Variants in TNC observed in about 807,000 individuals in gnomAD.
TNC encodes tenascin.
In TNC, 109 loss-of-function variants were observed where a neutral mutation model predicts 202.4. That is an observed-to-expected ratio of 0.54 (90% CI 0.46 to 0.63). The LOEUF (loss-of-function observed/expected upper bound fraction) is 0.63. Among genes scored for constraint, TNC ranks in the 30% least tolerant of loss-of-function variants. The pLI, the probability that TNC is intolerant of heterozygous loss-of-function variation, is 0.00. For synonymous variants in TNC, 1,007 were observed against 1,089.7 expected, an observed-to-expected ratio of 0.92 and a Z score of 1.50; for missense variants, 2,756 against 2,833.3, an observed-to-expected ratio of 0.97 and a Z score of 0.62.
At chr9:115,074,864 G>A (rs890732226) in intron 9 of TNC, among the ~76,000 whole-genome samples, 4 of 152,164 alleles carry the variant, frequency 2.6e-5, no homozygotes, top group Admixed American at 6.5e-5. Context: ...GACAGATTAC[G>A]CCAATGTCAA....
chr9:115,047,513 C>T (rs1174520536), intron 16 of TNC, among the ~76,000 whole-genome samples: 1 of 152,064 alleles, frequency 6.6e-6, no homozygotes, highest in African/African-American at 2.4e-5. Context: ...TGGATAAGTA[C>T]TTCTTGGAGA....
intron 1 of TNC, among the ~76,000 whole-genome samples, chr9:115,101,911 A>C (rs1039630947): frequency 6.6e-6 from 1 of 152,190 alleles, no homozygotes; most frequent in Non-Finnish European, 1.5e-5. Context: ...AAGTTGACAT[A>C]ATAATAATAA....
chr9:115,052,365 A>T (rs1831756592), intron 15 of TNC, among the ~76,000 whole-genome samples: 2 of 152,030 alleles, frequency 1.3e-5, no homozygotes, highest in African/African-American at 4.8e-5. Flanking sequence ...AGACAGAAGG[A>T]ATAAGTTTTA....
intron 17 of TNC, among the ~76,000 whole-genome samples, chr9:115,045,796 T>C (rs1203953108): frequency 1.3e-5 from 2 of 152,048 alleles, no homozygotes; most frequent in African/African-American, 4.8e-5. Flanking sequence ...GTTATGAGTA[T>C]CAAAGTTAGA....
chr9:115,065,131 C>T (rs953229475), intron 10 of TNC, among the ~76,000 whole-genome samples: 8 of 152,170 alleles, frequency 5.3e-5, no homozygotes, highest in Non-Finnish European at 1.0e-4. Flanking sequence ...CATGGTGGCT[C>T]GAGCCTGTAA....
In TNC at chr9:115,063,936, G is replaced by A. The variant is rs1375460202; in HGVS notation, c.3620C>T (p.Ala1207Val). The change falls in exon 12 of 28, where the codon GCA becomes GTA. Residue 1207 changes from alanine to valine, a missense_variant. Ala to Val is a moderately conservative substitution (Grantham distance 64). Around this residue, in one of 2 missense-constraint regions of TNC, gnomAD observed 2,559 missense variants for 2,546.0 expected, o/e 1.01. Transcript: ENST00000350763. ...IQVQEADTVE[A>V]AQNLTVPGGL... ...TCCTGGGACGGTGAGGTTCTGGGCTGCCTCTACTGTGTCAGCCTCCTGCAC... is the reference window on the plus strand; with the variant it reads ...TCCTGGGACGGTGAGGTTCTGGGCTACCTCTACTGTGTCAGCCTCCTGCAC... The A allele has an allele frequency of 6.2e-7, 1 of 1,614,158 alleles. No individual in the cohort carries two copies. The highest frequency in any genetic ancestry group is 1.3e-5 in the African/African-American group (1 of 75,026).
At chr9:115,104,531 C>A (rs1836469022) in intron 1 of TNC, among the ~76,000 whole-genome samples, 1 of 152,172 alleles carries the variant, frequency 6.6e-6, no homozygotes, top group South Asian at 2.1e-4. Context: ...TACTTATCTG[C>A]TGGGGAGCCT....
chr9:115,110,598 A>C (rs1254074528), intron 1 of TNC, among the ~76,000 whole-genome samples: 2 of 152,324 alleles, frequency 1.3e-5, no homozygotes, highest in East Asian at 1.9e-4. Flanking sequence ...GTTAGTAAAG[A>C]AAAAAGAATT....
intron 17 of TNC, among the ~76,000 whole-genome samples, chr9:115,045,138 G>A (rs751256793): frequency 6.6e-6 from 1 of 152,082 alleles, no homozygotes; most frequent in Non-Finnish European, 1.5e-5. Flanking sequence ...AACAGAAGAG[G>A]TTGAGCTACA....
At position 115,090,959 on chromosome 9, in the gene TNC, G is replaced by A. The variant is rs374899991; in HGVS notation, c.60C>T (p.Thr20=). ...GVFLAFLALA[T]EGGVLKKVIR... is the part of the protein sequence containing the mutation. ...TGACTTTCTTGAGGACCCCACCTTCGGTAGCGAGGGCAAGGAAAGCAAGAA... is the reference window on the plus strand; with the variant it reads ...TGACTTTCTTGAGGACCCCACCTTCAGTAGCGAGGGCAAGGAAAGCAAGAA... Residue 20 remains threonine (T), a synonymous_variant, in exon 2 of 28, where the codon ACC becomes ACT. Transcript: ENST00000350763. 37 of 1,613,872 alleles carry A rather than the reference G, an allele frequency of 2.3e-5. No homozygotes were observed. The highest frequency in any genetic ancestry group is 3.3e-5 in the South Asian group (3 of 91,080).
intron 1 of TNC, among the ~76,000 whole-genome samples, chr9:115,093,912 A>G (rs1408826251): frequency 6.6e-6 from 1 of 152,130 alleles, no homozygotes; most frequent in Non-Finnish European, 1.5e-5. Flanking sequence ...CTATTGGCTC[A>G]TGGTGGTCTG....
At chr9:115,062,451 A>G (rs1300681047) in intron 13 of TNC, among the ~76,000 whole-genome samples, 2 of 152,034 alleles carry the variant, frequency 1.3e-5, no homozygotes, top group Non-Finnish European at 2.9e-5. Flanking sequence ...TACAAAAAAT[A>G]CAAAAAACTT....
At chr9:115,052,507 AAAT>A (rs1431909388) in intron 15 of TNC, among the ~76,000 whole-genome samples, 1 of 147,238 alleles carries the variant, frequency 6.8e-6, no homozygotes, top group Non-Finnish European at 1.5e-5. Context: ...ATAAATAAAT[AAAT>A]AAGGTGAGGT....
intron 1 of TNC, among the ~76,000 whole-genome samples, chr9:115,111,029 G>A (rs1046018651): frequency 4.6e-5 from 7 of 151,726 alleles, no homozygotes; most frequent in African/African-American, 7.3e-5. Flanking sequence ...ACAGGTGCCC[G>A]CCACCACACC....
At position 115,050,394 on chromosome 9, in the gene TNC, C is replaced by T. The variant is rs896328465; in HGVS notation, c.4580-1862G>A. Among the ~76,000 whole-genome samples, 3 of 152,054 alleles carry T rather than the reference C, an allele frequency of 2.0e-5. No individual in the cohort carries two copies. The East Asian group carries it at 5.8e-4, about 29-fold the overall frequency. Reference sequence around the variant, plus strand: ...CTGTTATGTGGGAGGTCCTGCAAGCCGCTACAAGCAATGGCCTGATGGGAT... The same window carrying T: ...CTGTTATGTGGGAGGTCCTGCAAGCTGCTACAAGCAATGGCCTGATGGGAT... On this transcript the variant is annotated intron_variant, in intron 15 of 27. Coordinates refer to ENST00000350763, the MANE Select transcript of TNC (RefSeq NM_002160.4).
intron 8 of TNC, 129 bp from the exon 9 acceptor site, chr9:115,076,250 A>T: frequency 7.2e-7 from 1 of 1,393,596 alleles, no homozygotes; most frequent in South Asian, 1.2e-5. Flanking sequence ...AAAAGAACTC[A>T]CTGCAATCCA....
At chr9:115,033,153 C>G (rs549305251) in intron 22 of TNC, among the ~76,000 whole-genome samples, 57 of 152,278 alleles carry the variant, frequency 3.7e-4, no homozygotes, top group African/African-American at 1.2e-3. Flanking sequence ...TTGTTGGAGG[C>G]AGAGGATGAT....
chr9:115,108,343 A>G (rs1836772308), intron 1 of TNC, among the ~76,000 whole-genome samples: 1 of 152,206 alleles, frequency 6.6e-6, no homozygotes, highest in South Asian at 2.1e-4. Flanking sequence ...ACGAAAGTTG[A>G]ACAGATTAAT....
At chr9:115,033,651 G>T (rs563368387) in intron 22 of TNC, among the ~76,000 whole-genome samples, 1 of 152,344 alleles carries the variant, frequency 6.6e-6, no homozygotes, top group Admixed American at 6.5e-5. Flanking sequence ...GGGCATGATA[G>T]TTATTAGCAA....
Sources: gnomAD v4.1 joint callset for allele counts (sites outside exome capture counted in the v4.1 genomes callset) on GRCh38, gnomAD v4.1.1 for gene constraint, gnomAD v4.1.1 regional missense constraint, MANE v1.5 for transcripts, NCBI Gene and HGNC (gene_info 2026-07-23, HGNC 2026-07-21) for gene names.